The following PFKFB2 variants were observed in gnomAD, a reference collection of about 807,000 sequenced individuals.
PFKFB2 encodes the protein 6-phosphofructo-2-kinase/fructose-2,6-biphosphatase 2.
A neutral mutation model predicts 68.0 loss-of-function variants in PFKFB2; 53 were observed. The observed-to-expected ratio is 0.78, with a 90% confidence interval of 0.63 to 0.98. PFKFB2 has a LOEUF of 0.98. Ranked by LOEUF, PFKFB2 falls within the 50% of genes least tolerant of loss-of-function variation. The pLI is 0.00. For synonymous variants in PFKFB2, 222 were observed against 227.6 expected, an observed-to-expected ratio of 0.98 and a Z score of 0.22; for missense variants, 451 against 642.0, an observed-to-expected ratio of 0.70 and a Z score of 3.22.
chr1:207,042,082 A>G (rs867161865), intron 1 of PFKFB2: 4 of 152,200 alleles, frequency 2.6e-5, no homozygotes, highest in Admixed American at 1.3e-4. Flanking sequence ...GGCCTCAGAG[A>G]ATAAATCTAA....
chr1:207,062,502 A>G (rs975455082), intron 3 of PFKFB2, 118 bp from the exon 4 acceptor site: 3 of 1,485,200 alleles, frequency 2.0e-6, no homozygotes, highest in Non-Finnish European at 2.7e-6. Context: ...TTCCCAACCT[A>G]CCATGCTGCC....
intron 2 of PFKFB2, among the ~76,000 whole-genome samples, chr1:207,042,512 C>G (rs547578785): frequency 7.6e-6 from 1 of 131,542 alleles, no homozygotes; most frequent in African/African-American, 3.0e-5. Flanking sequence ...CACCCCACTA[C>G]GCTGCAGCCT....
At position 207,054,814 on chromosome 1, in the gene PFKFB2, C is replaced by T. The variant is rs748794505; in HGVS notation, c.85+12C>T. On this transcript the variant is annotated intron_variant, in intron 2 of 14. Coordinates refer to ENST00000367080, the MANE Select transcript of PFKFB2 (RefSeq NM_006212.2). ...AGAGAAGAAATGTTGTGAGTTCTGG[C>T]AGAGAGGAGGGACTGCTCTCTCTCA... The T allele has an allele frequency of 1.3e-6, 2 of 1,589,336 alleles. No homozygotes were observed. The highest frequency in any genetic ancestry group is 2.2e-5 in the East Asian group (1 of 44,778).
intron 2 of PFKFB2, among the ~76,000 whole-genome samples, chr1:207,057,939 C>T (rs966281955): frequency 3.9e-5 from 6 of 152,192 alleles, no homozygotes; most frequent in Admixed American, 6.5e-5. Context: ...CATTCTTACA[C>T]GTACACCTTT....
intron 4 of PFKFB2, 21 bp downstream of exon 4, chr1:207,062,737 G>C (rs1280461019): frequency 6.2e-7 from 1 of 1,608,666 alleles, no homozygotes. Flanking sequence ...TTTAAGGCCT[G>C]ATCTCCAGGT....
At chr1:207,047,622 TAAGAA>T (rs1682630095) in intron 2 of PFKFB2, 1 of 152,738 alleles carries the variant, frequency 6.5e-6, no homozygotes, top group East Asian at 1.9e-4. Flanking sequence ...TCAGAATAAT[TAAGAA>T]AAGAGGTAGA....
intron 3 of PFKFB2, 45 bp from the exon 4 acceptor site, chr1:207,062,575 C>A (rs1449078269): frequency 8.1e-6 from 13 of 1,599,938 alleles, no homozygotes; most frequent in Non-Finnish European, 9.4e-6. Flanking sequence ...TTTGGTGGGG[C>A]CATCATATTA....
At chr1:207,062,556 C>A (rs1238266474) in intron 3 of PFKFB2, 64 bp from the exon 4 acceptor site, 4 of 1,582,238 alleles carry the variant, frequency 2.5e-6, no homozygotes, top group Non-Finnish European at 3.4e-6. Context: ...GGCCAAGAAA[C>A]AAGTCCCATT....
intron 2 of PFKFB2, among the ~76,000 whole-genome samples, chr1:207,059,660 G>T (rs1352243717): frequency 1.3e-5 from 2 of 152,108 alleles, no homozygotes; most frequent in African/African-American, 4.8e-5. Context: ...TAAAAGCCAA[G>T]CCCTCTGACC....
intron 8 of PFKFB2, among the ~76,000 whole-genome samples, chr1:207,067,033 T>C (rs1053946414): frequency 3.3e-5 from 5 of 152,196 alleles, no homozygotes; most frequent in Non-Finnish European, 7.3e-5. Context: ...GAGAGAAGCA[T>C]GATTAGGTAG....
chr1:207,044,599 A>G (rs1682549519), intron 2 of PFKFB2: 2 of 152,370 alleles, frequency 1.3e-5, no homozygotes, highest in Admixed American at 1.3e-4. Flanking sequence ...ATAAAAGGGC[A>G]TCATGGCAAA....
In PFKFB2 at chr1:207,070,741, C is replaced by T. The variant is rs1683441375; in HGVS notation, c.1222+332C>T. ...ACGCTGCCTACTAGGAGGGTGGTAT[C>T]TTAGGAGCAGCAGTTGTTTCTGGGT... On this transcript the variant is annotated intron_variant, in intron 12 of 14. Coordinates refer to ENST00000367080, the MANE Select transcript of PFKFB2 (RefSeq NM_006212.2). The surrounding 1 kb of genome is among the most constrained non-coding windows in gnomAD (Gnocchi z 4.2). 1 of 299,666 alleles carries T rather than the reference C, an allele frequency of 3.3e-6. No individual in the cohort carries two copies. Among genetic ancestry groups the T allele is most frequent in the Non-Finnish European group, 6.4e-6 (1 of 156,722 alleles). 18.6% of individuals were successfully genotyped at this position (299,666 alleles called of 1,614,324 possible).
chr1:207,055,516 A>G (rs1246599589), intron 2 of PFKFB2, among the ~76,000 whole-genome samples: 1 of 152,092 alleles, frequency 6.6e-6, no homozygotes, highest in Non-Finnish European at 1.5e-5. Flanking sequence ...ATAGCTTCCC[A>G]AAAGATCTGG....
chr1:207,070,575 T>G lies in PFKFB2; in HGVS notation c.1222+166T>G. The G allele has an allele frequency of 1.5e-6, 1 of 667,242 alleles. No homozygotes were observed. Among genetic ancestry groups the G allele is most frequent in the South Asian group, 1.9e-5 (1 of 52,672 alleles). The allele number at this position is 667,242 out of a possible 1,614,324, so 41.3% of individuals were successfully genotyped here. A position where few individuals can be genotyped will look rare whatever the true frequency, so the allele number is the denominator to read the frequency against. On this transcript the variant is annotated intron_variant, in intron 12 of 14. Coordinates refer to ENST00000367080, the MANE Select transcript of PFKFB2 (RefSeq NM_006212.2). The surrounding 1 kb of genome is among the most constrained non-coding windows in gnomAD (Gnocchi z 4.2). Reference sequence around the variant, plus strand: ...AGCAGCCACTGAGTCAATGACTTGCTGAGTTCACTCTGCTGCTACGAAAGC... The same window carrying G: ...AGCAGCCACTGAGTCAATGACTTGCGGAGTTCACTCTGCTGCTACGAAAGC...
At chr1:207,035,524 C>T (rs1196868761) in intron 1 of PFKFB2, among the ~76,000 whole-genome samples, 2 of 151,964 alleles carry the variant, frequency 1.3e-5, no homozygotes, top group Non-Finnish European at 2.9e-5. Flanking sequence ...TATGGCAGTG[C>T]GCACCTGCAG....
At chr1:207,053,026 C>T (rs1252231072), upstream of PFKFB2, 1 of 152,244 alleles carries the variant, frequency 6.6e-6, no homozygotes, top group African/African-American at 2.4e-5. Context: ...ATTAACACCG[C>T]CCCCAGCCCT....
Position 207,076,930 on chromosome 1 carries a change from C to A in PFKFB2, c.*4559C>A. 1 of 982,846 alleles carries A rather than the reference C, an allele frequency of 1.0e-6. No homozygotes were observed. Among genetic ancestry groups the A allele is most frequent in the Non-Finnish European group, 1.2e-6 (1 of 827,636 alleles). 60.9% of individuals were successfully genotyped at this position (982,846 alleles called of 1,614,324 possible). On this transcript the variant is annotated 3_prime_UTR_variant, in exon 15 of 15. Coordinates refer to ENST00000367080, the MANE Select transcript of PFKFB2 (RefSeq NM_006212.2). ...TTCTCTGTCTATTAAATGTGTCTAA[C>A]AAAGGAAGGAATTAAGCACTCCACG...
chr1:207,075,914 T>C lies in PFKFB2; in HGVS notation c.*3543T>C, dbSNP rs1056585301. On this transcript the variant is annotated 3_prime_UTR_variant, in exon 15 of 15. Coordinates refer to ENST00000367080, the MANE Select transcript of PFKFB2 (RefSeq NM_006212.2). ...TCCCTAAATTGTAATTTAGCTCTTATCTGTATTGTTGTTTTGTTTTGGTAA... is the reference window on the plus strand; with the variant it reads ...TCCCTAAATTGTAATTTAGCTCTTACCTGTATTGTTGTTTTGTTTTGGTAA... 11 of 985,248 alleles carry C rather than the reference T, an allele frequency of 1.1e-5. No homozygotes were observed. The highest frequency in any genetic ancestry group is 1.2e-5 in the Non-Finnish European group (10 of 829,740). The allele number at this position is 985,248 out of a possible 1,614,324, so 61.0% of individuals were successfully genotyped here.
Position 207,075,505 on chromosome 1 carries a change from T to C in PFKFB2, c.*3134T>C. On this transcript the variant is annotated 3_prime_UTR_variant, in exon 15 of 15. Coordinates refer to ENST00000367080, the MANE Select transcript of PFKFB2 (RefSeq NM_006212.2). Reference sequence around the variant, plus strand: ...GTCTTACTTGAATGCATGTTGGTAATCTGTATACATTACTATGACTGTGTC... The same window carrying C: ...GTCTTACTTGAATGCATGTTGGTAACCTGTATACATTACTATGACTGTGTC... 1 of 985,346 alleles carries C rather than the reference T, an allele frequency of 1.0e-6. No homozygotes were observed. The allele number at this position is 985,346 out of a possible 1,614,324, so 61.0% of individuals were successfully genotyped here. A position where few individuals can be genotyped will look rare whatever the true frequency, so the allele number is the denominator to read the frequency against.
Sources: gnomAD v4.1 joint callset for allele counts (sites outside exome capture counted in the v4.1 genomes callset) on GRCh38, gnomAD v4.1.1 for gene constraint, Gnocchi (gnomAD v3.1) non-coding constraint, MANE v1.5 for transcripts, NCBI Gene and HGNC (gene_info 2026-07-23, HGNC 2026-07-21) for gene names.